Variants in LEKR1 observed in about 807,000 individuals in gnomAD.
The protein encoded by LEKR1 is protein LEKR1.
In LEKR1, 59 loss-of-function variants were observed where a neutral mutation model predicts 72.4. The ratio of observed to expected loss-of-function variants is 0.82; its 90% confidence interval spans 0.66 to 1.01. The LOEUF (loss-of-function observed/expected upper bound fraction) is 1.01, where lower values mean the gene tolerates loss of function less well. LEKR1 is among the 50% of genes least tolerant of loss of function. LEKR1 has a pLI of 0.00. For missense variants in LEKR1, 728 were observed against 759.2 expected (o/e 0.96, Z 0.48); for synonymous variants, 257 against 263.2 (o/e 0.98, Z 0.23).
chr3:157,013,409 G>C (rs972762931), intron 10 of LEKR1, among the ~76,000 whole-genome samples: 2 of 152,088 alleles, frequency 1.3e-5, no homozygotes, highest in Admixed American at 6.6e-5. Context: ...ACAAGTTAGT[G>C]TTAGCATCTG....
At chr3:156,990,029 C>A (rs540982418) in intron 7 of LEKR1, among the ~76,000 whole-genome samples, 39 of 152,306 alleles carry the variant, frequency 2.6e-4, no homozygotes, top group Non-Finnish European at 4.3e-4. Context: ...ATTTTCTCTT[C>A]TAGTACAGGA....
intron 9 of LEKR1, among the ~76,000 whole-genome samples, chr3:156,993,920 A>G (rs116789764): frequency 1.6e-4 from 24 of 152,052 alleles, no homozygotes; most frequent in African/African-American, 5.8e-4. Flanking sequence ...TTTTGTTTTA[A>G]ATGCATATCT....
chr3:156,863,083 T>C (rs780514887), intron 3 of LEKR1, among the ~76,000 whole-genome samples: 4 of 152,080 alleles, frequency 2.6e-5, no homozygotes, highest in Non-Finnish European at 4.4e-5. Context: ...TTCATACTCA[T>C]AGCCTTTTTG....
intron 2 of LEKR1, among the ~76,000 whole-genome samples, chr3:156,830,113 G>A (rs1712182193): frequency 6.6e-6 from 1 of 152,148 alleles, no homozygotes; most frequent in Admixed American, 6.5e-5. Context: ...GTATTAAATT[G>A]TAACTACGTA....
At chr3:156,836,605 T>C (rs930540536) in intron 2 of LEKR1, among the ~76,000 whole-genome samples, 3 of 152,176 alleles carry the variant, frequency 2.0e-5, no homozygotes, top group African/African-American at 7.2e-5. Context: ...TAAGCTTTTT[T>C]CCCCCTCAAA....
chr3:156,872,420 T>C (rs1718064304), intron 3 of LEKR1, among the ~76,000 whole-genome samples: 1 of 152,042 alleles, frequency 6.6e-6, no homozygotes, highest in South Asian at 2.1e-4. Context: ...TTTTATTTTA[T>C]TTTTGTAGTC....
intron 5 of LEKR1, among the ~76,000 whole-genome samples, chr3:156,936,652 A>T (rs940535718): frequency 1.3e-5 from 2 of 152,166 alleles, no homozygotes; most frequent in South Asian, 2.1e-4. Context: ...TGTAGTTTTT[A>T]AAAAATCTAC....
At chr3:156,875,860 T>A (rs34667021) in intron 3 of LEKR1, among the ~76,000 whole-genome samples, 76,964 of 151,488 alleles carry the variant, frequency 0.51, 21,217 homozygotes, top group East Asian at 0.73. Context: ...CTGGGTAAGG[T>A]GGCGGGTGCC....
intron 3 of LEKR1, among the ~76,000 whole-genome samples, chr3:156,859,264 G>A (rs899089632): frequency 6.6e-6 from 1 of 152,016 alleles, no homozygotes; most frequent in African/African-American, 2.4e-5. Flanking sequence ...ATCAGTTTCT[G>A]TCTATGTCAA....
chr3:156,936,237 A>G (rs1237430209), intron 5 of LEKR1, among the ~76,000 whole-genome samples: 25 of 152,130 alleles, frequency 1.6e-4, no homozygotes, highest in Non-Finnish European at 1.0e-4. Context: ...CCAGGTCTGG[A>G]GAAGGGCCGC....
intron 3 of LEKR1, among the ~76,000 whole-genome samples, chr3:156,912,032 T>C (rs1430638577): frequency 6.6e-6 from 1 of 152,062 alleles, no homozygotes; most frequent in Admixed American, 6.5e-5. Context: ...TTCTTTTTCA[T>C]TTTTTGATAC....
chr3:156,890,341 T>A (rs1004198268), intron 3 of LEKR1, among the ~76,000 whole-genome samples: 7 of 152,166 alleles, frequency 4.6e-5, no homozygotes, highest in Admixed American at 4.6e-4. Flanking sequence ...CAATATGTAT[T>A]GTATAGCTTC....
chr3:156,907,188 C>T (rs73168689), intron 3 of LEKR1, among the ~76,000 whole-genome samples: 1 of 152,186 alleles, frequency 6.6e-6, no homozygotes, highest in Non-Finnish European at 1.5e-5. Flanking sequence ...GACCAGTCTT[C>T]TCAATCCTGA....
intron 5 of LEKR1, among the ~76,000 whole-genome samples, chr3:156,933,192 C>T (rs1016954535): frequency 8.5e-5 from 13 of 152,140 alleles, no homozygotes; most frequent in Non-Finnish European, 1.5e-4. Flanking sequence ...GTTAATAATA[C>T]AGATATACTT....
chr3:156,875,660 T>G (rs1167797539), intron 3 of LEKR1, among the ~76,000 whole-genome samples: 1 of 152,120 alleles, frequency 6.6e-6, no homozygotes, highest in African/African-American at 2.4e-5. Flanking sequence ...CTTTCAGGTC[T>G]TAGATTGAAG....
rs540478431 is a variant in LEKR1 at position 156,967,035 on chromosome 3, C to G, written c.746-12159C>G. 5.0e-3 allele frequency among the ~76,000 whole-genome samples: 763 copies of G among 152,314 alleles called. 8 individuals carry two copies. The highest frequency in any genetic ancestry group is 0.018 in the African/African-American group (739 of 41,576). ...GCAAACAGGGTCTGGAGTGGACCTC[C>G]AGCAAACTCCAACAGACCTGCAGCT... is the stretch of plus-strand genomic sequence containing the variant. On this transcript the variant is annotated intron_variant, in intron 6 of 12. Coordinates refer to ENST00000356539, the MANE Select transcript of LEKR1 (RefSeq NM_001004316.3).
At chr3:156,977,506 A>T (rs376234745) in intron 6 of LEKR1, 2 of 405,942 alleles carry the variant, frequency 4.9e-6, no homozygotes, top group South Asian at 2.2e-5. Context: ...CTTAGGTCAT[A>T]GTGCAGCCTG....
At chr3:157,016,017 T>G (rs1209422982) in intron 10 of LEKR1, among the ~76,000 whole-genome samples, 1 of 151,564 alleles carries the variant, frequency 6.6e-6, no homozygotes, top group Non-Finnish European at 1.5e-5. Flanking sequence ...ACTTTTTAAA[T>G]AAAACAAGAT....
At chr3:156,983,007 T>C (rs942311537) in intron 7 of LEKR1, among the ~76,000 whole-genome samples, 13 of 151,966 alleles carry the variant, frequency 8.6e-5, no homozygotes, top group African/African-American at 3.1e-4. Context: ...AAAATGGGCA[T>C]TATGCCCATT....
Sources: allele counts gnomAD v4.1 joint callset (sites outside exome capture counted in the v4.1 genomes callset), GRCh38; gene constraint gnomAD v4.1.1; transcripts MANE v1.5; gene names NCBI Gene and HGNC (gene_info 2026-07-23, HGNC 2026-07-21).